Variants in ELMO1 observed in about 807,000 individuals in gnomAD.
The protein encoded by ELMO1 is engulfment and cell motility 1.
Under a neutral mutation model 98.9 loss-of-function variants are expected in ELMO1, and 26 were observed. The observed-to-expected ratio is 0.26, with a 90% CI of 0.19 to 0.36. The LOEUF is 0.36. Among genes scored for constraint, ELMO1 ranks in the 10% least tolerant of loss-of-function variants. ELMO1 has a pLI of 1.00. For missense variants in ELMO1, 627 were observed against 935.2 expected, an observed-to-expected ratio of 0.67 and a Z score of 4.30; for synonymous variants, 346 against 346.0, an observed-to-expected ratio of 1.00 and a Z score of 0.00.
intron 7 of ELMO1, among the ~76,000 whole-genome samples, chr7:37,235,041 G>T (rs1794386633): frequency 6.6e-6 from 1 of 152,172 alleles, no homozygotes; most frequent in African/African-American, 2.4e-5. Flanking sequence ...CCCCTAGGTG[G>T]CATCAAAGGA....
At chr7:37,026,581 C>T (rs1289552893) in intron 15 of ELMO1, among the ~76,000 whole-genome samples, 2 of 152,172 alleles carry the variant, frequency 1.3e-5, no homozygotes, top group Admixed American at 1.3e-4. Context: ...CACTCCACTA[C>T]TTCTTGCTTT....
chr7:37,320,203 G>C (rs1039836952), intron 2 of ELMO1, among the ~76,000 whole-genome samples: 1 of 152,134 alleles, frequency 6.6e-6, no homozygotes, highest in African/African-American at 2.4e-5. Flanking sequence ...CTTGAATCCA[G>C]GAGGTGGAGG....
At chr7:37,400,931 A>G (rs1363494073) in intron 1 of ELMO1, among the ~76,000 whole-genome samples, 1 of 152,202 alleles carries the variant, frequency 6.6e-6, no homozygotes, top group Non-Finnish European at 1.5e-5. Context: ...GATTTTGCAA[A>G]GGACTTAGGA....
chr7:37,214,407 G>A (rs368804391), intron 11 of ELMO1, among the ~76,000 whole-genome samples: 8 of 152,138 alleles, frequency 5.3e-5, no homozygotes, highest in African/African-American at 1.4e-4. Flanking sequence ...CTAAGTGGCC[G>A]TTCAGTAAAT....
At chr7:36,942,649 G>A (rs1273117312) in intron 16 of ELMO1, among the ~76,000 whole-genome samples, 2 of 152,176 alleles carry the variant, frequency 1.3e-5, no homozygotes, top group African/African-American at 2.4e-5. Context: ...TGGACAAATG[G>A]CATAGTTTAC....
chr7:37,389,632 G>A (rs181535419), intron 1 of ELMO1, among the ~76,000 whole-genome samples: 2 of 152,282 alleles, frequency 1.3e-5, no homozygotes, highest in African/African-American at 2.4e-5. Flanking sequence ...GGAGCATGAA[G>A]AGGCAGGAAT....
At chr7:37,265,712 G>C (rs960463384) in intron 5 of ELMO1, among the ~76,000 whole-genome samples, 2 of 151,926 alleles carry the variant, frequency 1.3e-5, no homozygotes, top group African/African-American at 4.8e-5. Flanking sequence ...TGCTCACCTG[G>C]CTTCTTGCTA....
chr7:36,902,539 T>G (rs953924729), intron 16 of ELMO1, among the ~76,000 whole-genome samples: 1 of 152,212 alleles, frequency 6.6e-6, no homozygotes, highest in African/African-American at 2.4e-5. Context: ...AAAACGAAGT[T>G]AAGTGCCATG....
intron 20 of ELMO1, among the ~76,000 whole-genome samples, chr7:36,862,788 G>T (rs1043329012): frequency 3.9e-5 from 6 of 152,214 alleles, no homozygotes; most frequent in African/African-American, 1.4e-4. Context: ...TGATCTGTGA[G>T]CCACACTGCT....
chr7:37,024,735 T>C (rs1361145763), intron 15 of ELMO1, among the ~76,000 whole-genome samples: 3 of 152,220 alleles, frequency 2.0e-5, no homozygotes, highest in African/African-American at 7.2e-5. Flanking sequence ...AAATGCTTAG[T>C]CCAGCACCTG....
At chr7:37,137,521 A>T (rs983611977) in intron 13 of ELMO1, among the ~76,000 whole-genome samples, 1 of 151,978 alleles carries the variant, frequency 6.6e-6, no homozygotes, top group Non-Finnish European at 1.5e-5. Context: ...CATATGATAG[A>T]CCACAAAAGA....
intron 4 of ELMO1, 84 bp from the exon 5 acceptor site, chr7:37,271,966 T>A: frequency 1.8e-6 from 2 of 1,137,374 alleles, no homozygotes; most frequent in South Asian, 2.6e-5. Flanking sequence ...ATCTAGCAGA[T>A]ATAACAGGCA....
intron 13 of ELMO1, among the ~76,000 whole-genome samples, chr7:37,143,110 T>C (rs1787746452): frequency 6.6e-6 from 1 of 152,236 alleles, no homozygotes; most frequent in Non-Finnish European, 1.5e-5. Flanking sequence ...ATGCCTGCTA[T>C]GCACCAGGCA....
chr7:37,153,312 C>T (rs879601319), intron 13 of ELMO1, among the ~76,000 whole-genome samples: 20 of 152,030 alleles, frequency 1.3e-4, no homozygotes, highest in South Asian at 1.0e-3. Context: ...CTATGGAGGG[C>T]GAGCCAAAGC....
chr7:36,966,028 C>T (rs1789400521), intron 16 of ELMO1, among the ~76,000 whole-genome samples: 1 of 152,146 alleles, frequency 6.6e-6, no homozygotes, highest in South Asian at 2.1e-4. Flanking sequence ...TTAAACTCTG[C>T]CAAATCATCT....
Position 37,113,618 on chromosome 7 carries a change from G to A in ELMO1, c.1192-16891C>T, listed in dbSNP as rs1003356629. On this transcript the variant is annotated intron_variant, in intron 14 of 21. Transcript: ENST00000310758. ...GACCAGAGGTACCTGGTATGTTCAC[G>A]GCCAACAAGGGTGCTATGGACGGAA... Among the ~76,000 whole-genome samples the A allele has an allele frequency of 9.2e-5, 14 of 152,256 alleles. No individual in the cohort carries two copies. The South Asian group carries it at 2.1e-3, about 23-fold the overall frequency.
chr7:37,421,474 C>T (rs1001645544), intron 1 of ELMO1, among the ~76,000 whole-genome samples: 1 of 152,182 alleles, frequency 6.6e-6, no homozygotes, highest in Non-Finnish European at 1.5e-5. Context: ...ATCAAAATAT[C>T]ACAAGTTCCT....
intron 1 of ELMO1, among the ~76,000 whole-genome samples, chr7:37,404,175 A>G (rs1803653717): frequency 6.6e-6 from 1 of 152,116 alleles, no homozygotes; most frequent in East Asian, 1.9e-4. Flanking sequence ...AAAGAAATTC[A>G]TTTTAAGGTA....
At chr7:36,933,534 T>C (rs1273811627) in intron 16 of ELMO1, among the ~76,000 whole-genome samples, 1 of 152,190 alleles carries the variant, frequency 6.6e-6, no homozygotes, top group Non-Finnish European at 1.5e-5. Context: ...CTCTCTGCAC[T>C]TGGATGCCCT....
Sources: gnomAD v4.1 joint callset for allele counts (sites outside exome capture counted in the v4.1 genomes callset) on GRCh38, gnomAD v4.1.1 for gene constraint, MANE v1.5 for transcripts, NCBI Gene and HGNC (gene_info 2026-07-23, HGNC 2026-07-21) for gene names.